PITPNC1: variants seen among roughly 807,000 people sequenced by gnomAD.
PITPNC1 encodes the protein phosphatidylinositol transfer protein cytoplasmic 1, also known as cytoplasmic phosphatidylinositol transfer protein 1.
A neutral mutation model predicts 44.7 loss-of-function variants in PITPNC1; 18 were observed. That is an observed-to-expected ratio of 0.40 (90% CI 0.28 to 0.60). The LOEUF (loss-of-function observed/expected upper bound fraction) is 0.60, where lower values mean the gene tolerates loss of function less well. Among genes scored for constraint, PITPNC1 ranks in the 20% least tolerant of loss-of-function variants. PITPNC1 has a pLI of 0.39. For synonymous variants in PITPNC1, 141 were observed against 149.6 expected (o/e 0.94, Z 0.42); for missense variants, 290 against 418.4 (o/e 0.69, Z 2.68).
rs564842858 is a variant in PITPNC1, at chr17:67,594,613, G to C, written c.366+16356G>C. The stretch of plus-strand genomic sequence containing the variant: ...GGTTTCAGACACAGTCCTTCCTTGG[G>C]TTTTACTCATCTGTAAGGGATCCTG... On this transcript the variant is annotated intron_variant, in intron 5 of 8. Coordinates refer to ENST00000581322, the MANE Select transcript of PITPNC1 (RefSeq NM_012417.4). Among the ~76,000 whole-genome samples, 3 of 152,202 alleles carry C rather than the reference G, an allele frequency of 2.0e-5. No individual in the cohort carries two copies. The East Asian group carries it at 5.8e-4, about 29-fold the overall frequency.
chr17:67,551,911 A>G (rs2034229164), intron 2 of PITPNC1, among the ~76,000 whole-genome samples: 2 of 152,218 alleles, frequency 1.3e-5, no homozygotes, highest in South Asian at 2.1e-4. Context: ...ATTCCGTGAT[A>G]CCACTCCTAG....
chr17:67,622,016 TC>T (rs2041835804), intron 5 of PITPNC1, among the ~76,000 whole-genome samples: 1 of 152,134 alleles, frequency 6.6e-6, no homozygotes, highest in Non-Finnish European at 1.5e-5. Context: ...ACTCCTGTAA[TC>T]CCAGCACTTT....
chr17:67,425,049 C>A (rs1313415528), intron 1 of PITPNC1, among the ~76,000 whole-genome samples: 1 of 151,972 alleles, frequency 6.6e-6, no homozygotes, highest in Non-Finnish European at 1.5e-5. Flanking sequence ...TGAGATCCAC[C>A]CCCTGCCTGC....
At chr17:67,614,044 G>A (rs1290094127) in intron 5 of PITPNC1, among the ~76,000 whole-genome samples, 5 of 132,806 alleles carry the variant, frequency 3.8e-5, no homozygotes, top group East Asian at 2.4e-4. Flanking sequence ...CCATGATCGC[G>A]CCACTGCACT....
chr17:67,580,964 G>A (rs1255697036), intron 5 of PITPNC1, among the ~76,000 whole-genome samples: 3 of 152,182 alleles, frequency 2.0e-5, no homozygotes, highest in South Asian at 2.1e-4. Context: ...TGGGAGAATC[G>A]CTTGAGCCCA....
At chr17:67,498,369 A>G (rs1420863378) in intron 1 of PITPNC1, among the ~76,000 whole-genome samples, 2 of 152,174 alleles carry the variant, frequency 1.3e-5, no homozygotes, top group African/African-American at 4.8e-5. Context: ...CGAGGCGGGC[A>G]GATCATCTGC....
chr17:67,460,751 T>C (rs1312706830), intron 1 of PITPNC1, among the ~76,000 whole-genome samples: 3 of 97,162 alleles, frequency 3.1e-5, no homozygotes, highest in Admixed American at 9.3e-5. Context: ...TTTTTTTTTT[T>C]TTTTTTTTTT....
intron 4 of PITPNC1, among the ~76,000 whole-genome samples, chr17:67,574,300 C>T (rs1472189362): frequency 6.6e-6 from 1 of 152,148 alleles, no homozygotes; most frequent in Non-Finnish European, 1.5e-5. Context: ...TATATTATTT[C>T]TCCACTGAAA....
intron 8 of PITPNC1, among the ~76,000 whole-genome samples, chr17:67,690,901 G>A (rs1244577307): frequency 6.6e-6 from 1 of 152,030 alleles, no homozygotes; most frequent in Non-Finnish European, 1.5e-5. Flanking sequence ...TTAGGAGTTC[G>A]AGACCAGCCT....
chr17:67,382,197 A>G (rs1485398875), intron 1 of PITPNC1, among the ~76,000 whole-genome samples: 2 of 152,184 alleles, frequency 1.3e-5, no homozygotes, highest in African/African-American at 2.4e-5. Flanking sequence ...CTTGCTATAG[A>G]CGGTACTGGC....
chr17:67,672,213 C>T (rs1247559702), intron 7 of PITPNC1, among the ~76,000 whole-genome samples: 3 of 151,984 alleles, frequency 2.0e-5, no homozygotes, highest in Non-Finnish European at 4.4e-5. Flanking sequence ...GGTTTACAGT[C>T]GTGAGCCACC....
At chr17:67,431,905 C>T (rs1247404230) in intron 1 of PITPNC1, among the ~76,000 whole-genome samples, 2 of 152,132 alleles carry the variant, frequency 1.3e-5, no homozygotes, top group Admixed American at 6.6e-5. Context: ...TATCTTTAGT[C>T]TCTTCTCTTT....
At chr17:67,674,031 T>C (rs189209035) in intron 7 of PITPNC1, among the ~76,000 whole-genome samples, 8 of 151,292 alleles carry the variant, frequency 5.3e-5, no homozygotes, top group African/African-American at 1.9e-4. Context: ...TTTTAAATAA[T>C]TTTTTGTGGG....
chr17:67,659,839 C>T (rs1371038543), intron 6 of PITPNC1, among the ~76,000 whole-genome samples: 2 of 152,100 alleles, frequency 1.3e-5, no homozygotes, highest in African/African-American at 2.4e-5. Flanking sequence ...AAGTATACAC[C>T]TGTGAAACCA....
chr17:67,609,951 C>A (rs1466050950), intron 5 of PITPNC1, among the ~76,000 whole-genome samples: 1 of 152,160 alleles, frequency 6.6e-6, no homozygotes, highest in African/African-American at 2.4e-5. Context: ...CTAGAGCAAT[C>A]TCACACTAAA....
chr17:67,584,248 C>T (rs2041279799), intron 5 of PITPNC1, among the ~76,000 whole-genome samples: 1 of 152,120 alleles, frequency 6.6e-6, no homozygotes, highest in Non-Finnish European at 1.5e-5. Context: ...AATAAAAAGA[C>T]CTGGGTAACA....
At chr17:67,507,639 G>A (rs138536814) in intron 1 of PITPNC1, among the ~76,000 whole-genome samples, 1,413 of 138,536 alleles carry the variant, frequency 0.01, 11 homozygotes, top group Middle Eastern at 0.039. Flanking sequence ...CGCTGGGATC[G>A]TACTGCTGCA....
chr17:67,484,555 T>A (rs1459207935), intron 1 of PITPNC1, among the ~76,000 whole-genome samples: 1 of 152,208 alleles, frequency 6.6e-6, no homozygotes, highest in Non-Finnish European at 1.5e-5. Context: ...AGCCCTAACT[T>A]AGAACTTGCT....
intron 1 of PITPNC1, among the ~76,000 whole-genome samples, chr17:67,455,924 C>T (rs563232369): frequency 2.0e-4 from 31 of 152,200 alleles, no homozygotes; most frequent in Middle Eastern, 3.4e-3. Flanking sequence ...AAAAACAATT[C>T]AAATATATAA....
Sources: gnomAD v4.1 joint callset for allele counts (sites outside exome capture counted in the v4.1 genomes callset) on GRCh38, gnomAD v4.1.1 for gene constraint, MANE v1.5 for transcripts, NCBI Gene and HGNC (gene_info 2026-07-23, HGNC 2026-07-21) for gene names.